Variants in LINGO2 observed in about 807,000 individuals in gnomAD.
LINGO2 encodes leucine-rich repeat and immunoglobulin-like domain-containing nogo receptor-interacting protein 2.
LINGO2 carries 14 observed loss-of-function variants against 30.6 expected under a neutral mutation model. The observed-to-expected ratio is 0.46, with a 90% CI of 0.30 to 0.72. The LOEUF is 0.72. LINGO2 is among the 30% of genes least tolerant of loss of function. The pLI is 0.07. For missense variants in LINGO2, 729 were observed against 751.7 expected (o/e 0.97, Z 0.35); for synonymous variants, 317 against 288.5 (o/e 1.10, Z -1.00).
chr9:28,483,260 T>C lies in LINGO2; in HGVS notation c.-364-7235A>G, dbSNP rs143685869. Among the ~76,000 whole-genome samples the C allele has an allele frequency of 7.4e-4, 112 of 152,224 alleles. 1 individual carries two copies. The highest frequency in any genetic ancestry group is 2.4e-3 in the African/African-American group (101 of 41,570). On this transcript the variant is annotated intron_variant, in intron 1 of 5. Transcript: ENST00000379992. ...GCTGATATTCCTATCTCCAAAGCAA[T>C]GGACTATCTGCTGATAAAGTGTTTA...
chr9:28,945,567 G>A, the LINGO2 span, among the ~76,000 whole-genome samples: 2 of 152,086 alleles, frequency 1.3e-5, no homozygotes, highest in Admixed American at 1.3e-4. Flanking sequence ...TCTTCAAGGT[G>A]AAAAAATGGC....
At chr9:28,483,487 TGC>T (rs892688917) in intron 1 of LINGO2, among the ~76,000 whole-genome samples, 1 of 151,882 alleles carries the variant, frequency 6.6e-6, no homozygotes, top group African/African-American at 2.4e-5. Context: ...GGAACTTTTG[TGC>T]TCATTGAAAT....
chr9:28,278,143 A>G (rs1823194973), intron 4 of LINGO2, among the ~76,000 whole-genome samples: 1 of 152,220 alleles, frequency 6.6e-6, no homozygotes, highest in South Asian at 2.1e-4. Flanking sequence ...ACTCACTTTA[A>G]TTCTATCAAG....
chr9:28,836,721 TCAAA>T, the LINGO2 span, among the ~76,000 whole-genome samples: 4,878 of 152,266 alleles, frequency 0.032, 270 homozygotes, highest in African/African-American at 0.11. Flanking sequence ...ATCAGAACTC[TCAAA>T]CAATCTTAAA....
chr9:29,097,974 C>T, the LINGO2 span, among the ~76,000 whole-genome samples: 983 of 89,428 alleles, frequency 0.011, 189 homozygotes, highest in African/African-American at 0.038. Context: ...TGTGCCTAAA[C>T]CCAAAAGAAG....
intron 1 of LINGO2, among the ~76,000 whole-genome samples, chr9:28,477,664 G>C (rs191685239): frequency 1.2e-3 from 185 of 152,176 alleles, no homozygotes; most frequent in Admixed American, 6.4e-3. Flanking sequence ...TACTCCAATT[G>C]AAGCTACCAT....
At chr9:28,215,236 C>G (rs1414274506) in intron 4 of LINGO2, among the ~76,000 whole-genome samples, 1 of 151,674 alleles carries the variant, frequency 6.6e-6, no homozygotes, top group African/African-American at 2.4e-5. Flanking sequence ...TTAGAATTTC[C>G]CATTTCATAT....
chr9:28,390,401 TTATC>T (rs1244082531), intron 2 of LINGO2, among the ~76,000 whole-genome samples: 1 of 152,186 alleles, frequency 6.6e-6, no homozygotes, highest in East Asian at 1.9e-4. Context: ...TATTTAATAA[TTATC>T]TAGTTATATC....
chr9:28,145,201 A>C (rs534985133), intron 4 of LINGO2, among the ~76,000 whole-genome samples: 10 of 152,320 alleles, frequency 6.6e-5, no homozygotes, highest in Admixed American at 5.2e-4. Context: ...TAGGGACATG[A>C]GGAAGCTTTA....
At chr9:28,392,028 C>T (rs1458168675) in intron 2 of LINGO2, among the ~76,000 whole-genome samples, 1 of 152,078 alleles carries the variant, frequency 6.6e-6, no homozygotes, top group African/African-American at 2.4e-5. Flanking sequence ...CATGGTGAAA[C>T]CCCGTCTCTA....
the LINGO2 span, among the ~76,000 whole-genome samples, chr9:29,212,065 G>A: frequency 1.4e-4 from 22 of 152,286 alleles, no homozygotes; most frequent in South Asian, 4.6e-3. Context: ...GGCGAAAGGA[G>A]AGTGGAGGAG....
intron 2 of LINGO2, among the ~76,000 whole-genome samples, chr9:28,389,577 C>T (rs1203477539): frequency 6.6e-6 from 1 of 152,164 alleles, no homozygotes; most frequent in Non-Finnish European, 1.5e-5. Flanking sequence ...TTCCTAAATT[C>T]CTGCCTCATC....
the LINGO2 span, among the ~76,000 whole-genome samples, chr9:29,106,324 A>G: frequency 6.6e-6 from 1 of 152,114 alleles, no homozygotes; most frequent in African/African-American, 2.4e-5. Context: ...TTGTTTTTAA[A>G]CATTTTCTCA....
intron 4 of LINGO2, among the ~76,000 whole-genome samples, chr9:28,261,256 A>T (rs879751566): frequency 4.8e-4 from 73 of 151,998 alleles, no homozygotes; most frequent in Non-Finnish European, 2.2e-4. Context: ...TTAGAGAATT[A>T]AAAAATATCT....
chr9:28,494,580 G>A (rs1404278698), intron 1 of LINGO2, among the ~76,000 whole-genome samples: 2 of 152,144 alleles, frequency 1.3e-5, no homozygotes, highest in Admixed American at 6.5e-5. Context: ...ATATTCCAGG[G>A]TGTATATGTG....
At chr9:28,887,430 C>T in the LINGO2 span, among the ~76,000 whole-genome samples, 4 of 151,900 alleles carry the variant, frequency 2.6e-5, no homozygotes, top group Non-Finnish European at 5.9e-5. Flanking sequence ...CTGATTGTAC[C>T]TGATGACATG....
At chr9:28,194,236 A>G (rs1432767242) in intron 4 of LINGO2, among the ~76,000 whole-genome samples, 1 of 152,172 alleles carries the variant, frequency 6.6e-6, no homozygotes, top group Non-Finnish European at 1.5e-5. Flanking sequence ...AAAACAATAG[A>G]AACTGAATGT....
chr9:29,028,003 C>T, the LINGO2 span, among the ~76,000 whole-genome samples: 1 of 152,094 alleles, frequency 6.6e-6, no homozygotes, highest in Non-Finnish European at 1.5e-5. Context: ...CCAAACTTTC[C>T]TGATAATTCA....
the LINGO2 span, among the ~76,000 whole-genome samples, chr9:29,026,891 T>C: frequency 0.022 from 3,318 of 152,268 alleles, 114 homozygotes; most frequent in African/African-American, 0.074. Context: ...CCAGTCCATA[T>C]ATCTGAATGA....
Sources: allele counts gnomAD v4.1 joint callset (sites outside exome capture counted in the v4.1 genomes callset), GRCh38; gene constraint gnomAD v4.1.1; transcripts MANE v1.5; gene names NCBI Gene and HGNC (gene_info 2026-07-23, HGNC 2026-07-21).